KYAT3: variants seen among roughly 807,000 people sequenced by gnomAD.
KYAT3 encodes kynurenine--oxoglutarate transaminase 3.
A neutral mutation model predicts 59.0 loss-of-function variants in KYAT3; 50 were observed. The observed-to-expected ratio is 0.85, with a 90% confidence interval of 0.68 to 1.07. The LOEUF is 1.07. KYAT3 is among the 50% of genes least tolerant of loss of function. The pLI is 0.00. For missense variants in KYAT3, 497 were observed against 533.3 expected, an observed-to-expected ratio of 0.93 and a Z score of 0.67; for synonymous variants, 148 against 177.0, an observed-to-expected ratio of 0.84 and a Z score of 1.30.
At chr1:88,984,203 G>GGTTTT (rs1557707537) in intron 2 of KYAT3, 1 of 98,314 alleles carries the variant, frequency 1.0e-5, no homozygotes, top group Non-Finnish European at 2.2e-5. Flanking sequence ...TTTTTTTGTT[G>GGTTTT]CTTTTTTTTT....
At chr1:88,956,681 C>G (rs1247872646) in intron 8 of KYAT3, among the ~76,000 whole-genome samples, 2 of 152,044 alleles carry the variant, frequency 1.3e-5, no homozygotes, top group African/African-American at 4.8e-5. Flanking sequence ...CATAGAAGAC[C>G]ACATAGGCTG....
chr1:88,927,439 G>A, the KYAT3 span, among the ~76,000 whole-genome samples: 1 of 152,134 alleles, frequency 6.6e-6, no homozygotes, highest in African/African-American at 2.4e-5. Context: ...GGAGTGAAGT[G>A]CCATATGTGC....
At chr1:88,931,748 C>G (rs1674911373), downstream of KYAT3, among the ~76,000 whole-genome samples, 2 of 141,696 alleles carry the variant, frequency 1.4e-5, no homozygotes, top group South Asian at 4.4e-4. Flanking sequence ...AATAGCCAAT[C>G]ATCTTATCAC....
chr1:88,926,013 ACCCGCGGGTGG>A, the KYAT3 span, among the ~76,000 whole-genome samples: 1 of 152,150 alleles, frequency 6.6e-6, no homozygotes, highest in Non-Finnish European at 1.5e-5. Context: ...TAACCCAGGA[ACCCGCGGGTGG>A]CCCAAATGCA....
chr1:88,925,135 C>T, the KYAT3 span, among the ~76,000 whole-genome samples: 1 of 152,234 alleles, frequency 6.6e-6, no homozygotes, highest in East Asian at 1.9e-4. Flanking sequence ...ATACTGGGCA[C>T]CTGTCGTCCG....
At chr1:88,984,204 CTTTTTTTTTTTTT>C (rs908183722) in intron 2 of KYAT3, 47 of 81,756 alleles carry the variant, frequency 5.7e-4, no homozygotes, top group African/African-American at 1.8e-3. Flanking sequence ...TTTTTTGTTG[CTTTTTTTTTTTTT>C]TTTTTTTTTT....
chr1:88,975,278 C>T (rs760696507), intron 2 of KYAT3, among the ~76,000 whole-genome samples: 9 of 152,260 alleles, frequency 5.9e-5, no homozygotes, highest in East Asian at 1.9e-4. Context: ...GAATAAATTC[C>T]GGACACAGGA....
intron 2 of KYAT3, chr1:88,983,003 T>C (rs755762600): frequency 6.2e-7 from 1 of 1,613,274 alleles, no homozygotes; most frequent in Non-Finnish European, 8.5e-7. Context: ...TCCACTTGGA[T>C]GATCTGAATA....
chr1:88,944,228 G>A (rs7530513), intron 11 of KYAT3, among the ~76,000 whole-genome samples: 64,291 of 151,916 alleles, frequency 0.42, 14,220 homozygotes, highest in Non-Finnish European at 0.49. Context: ...GATGGTTATC[G>A]TCATCCAGGA....
chr1:88,942,872 T>C (rs368611646), intron 13 of KYAT3, 133 bp downstream of exon 13: 1 of 700,740 alleles, frequency 1.4e-6, no homozygotes. Context: ...AGTAAGCAGT[T>C]AATTTTAAAG....
Position 88,943,036 on chromosome 1 carries a change from A to G in KYAT3, c.1271T>C (p.Phe424Ser). ...GAAGCAAAAACGCACAAACTTCTCA[A>G]ACTGTGATTTAGTCTCTGAGTTACA... ...AFCNSETKSQ[F>S]EKFVRFCFIK... Residue 424 changes from phenylalanine to serine, a missense_variant, in exon 13 of 14, where the codon TTT becomes TCT. Around this residue, in one of 2 missense-constraint regions of KYAT3, gnomAD observed 28 missense variants for 54.2 expected, o/e 0.52. Transcript: ENST00000260508. 6.2e-7 allele frequency: 1 copy of G among 1,613,456 alleles called. No homozygotes were observed. Among genetic ancestry groups the G allele is most frequent in the Admixed American group, 1.7e-5 (1 of 59,980 alleles).
rs931113843 is a variant in KYAT3 at position 88,953,273 on chromosome 1, G to A, written c.865-121C>T. 6.0e-6 allele frequency: 4 copies of A among 666,824 alleles called. No individual in the cohort carries two copies. In the African/African-American group the frequency reaches 7.2e-5, roughly 12 times the overall value. 41.3% of individuals were successfully genotyped at this position (666,824 alleles called of 1,614,324 possible). A position where few individuals can be genotyped will look rare whatever the true frequency, so the allele number is the denominator to read the frequency against. ...CAATCCTAAAATGTTGGCTGGGTAT[G>A]GTGACTCACACCTGTAATCCCAGCA... On this transcript the variant is annotated intron_variant, in intron 9 of 13. Coordinates refer to ENST00000260508, the MANE Select transcript of KYAT3 (RefSeq NM_001008661.3).
At chr1:88,924,125 G>A in the KYAT3 span, among the ~76,000 whole-genome samples, 1 of 152,182 alleles carries the variant, frequency 6.6e-6, no homozygotes, top group Non-Finnish European at 1.5e-5. Flanking sequence ...GTGGTTAAAG[G>A]CTGGCACCTG....
chr1:88,942,555 T>C (rs1431125149), intron 13 of KYAT3, among the ~76,000 whole-genome samples: 1 of 152,178 alleles, frequency 6.6e-6, no homozygotes, highest in Non-Finnish European at 1.5e-5. Context: ...GAATTTTATT[T>C]TGGTAAGCAG....
At chr1:88,975,744 T>C (rs78875675) in intron 2 of KYAT3, among the ~76,000 whole-genome samples, 4,921 of 152,184 alleles carry the variant, frequency 0.032, 276 homozygotes, top group African/African-American at 0.11. Flanking sequence ...CATAAGACTA[T>C]ATGGAGCAGG....
At chr1:88,938,613 A>G (rs1675124802) in intron 13 of KYAT3, among the ~76,000 whole-genome samples, 1 of 152,034 alleles carries the variant, frequency 6.6e-6, no homozygotes, top group Non-Finnish European at 1.5e-5. Flanking sequence ...TTTTGGCTCC[A>G]CTTATAAGAG....
At chr1:88,947,369 C>T (rs2101024145) in intron 11 of KYAT3, among the ~76,000 whole-genome samples, 1 of 152,314 alleles carries the variant, frequency 6.6e-6, no homozygotes, top group South Asian at 2.1e-4. Context: ...CTGGACCACT[C>T]CTCACTTCCC....
At chr1:88,926,444 G>A in the KYAT3 span, among the ~76,000 whole-genome samples, 2 of 152,124 alleles carry the variant, frequency 1.3e-5, no homozygotes, top group Non-Finnish European at 2.9e-5. Flanking sequence ...CCCACAATTA[G>A]TTGAGGGTAC....
At chr1:88,952,647 A>C (rs10922525) in intron 10 of KYAT3, among the ~76,000 whole-genome samples, 1 of 152,150 alleles carries the variant, frequency 6.6e-6, no homozygotes, top group African/African-American at 2.4e-5. Context: ...AGCCTGTAGA[A>C]CCATGAGCCA....
Sources: allele counts gnomAD v4.1 joint callset (sites outside exome capture counted in the v4.1 genomes callset), GRCh38; gene constraint gnomAD v4.1.1; regional missense constraint gnomAD v4.1.1; transcripts MANE v1.5; gene names NCBI Gene and HGNC (gene_info 2026-07-23, HGNC 2026-07-21).